Variants in RIPK2 observed in about 807,000 individuals in gnomAD.
The protein encoded by RIPK2 is receptor interacting serine/threonine kinase 2.
A neutral mutation model predicts 60.9 loss-of-function variants in RIPK2; 38 were observed. The ratio of observed to expected loss-of-function variants is 0.62; its 90% CI spans 0.48 to 0.82. The LOEUF (loss-of-function observed/expected upper bound fraction) is 0.82, where lower values mean the gene tolerates loss of function less well. Among genes scored for constraint, RIPK2 ranks in the 40% least tolerant of loss-of-function variants. RIPK2 has a pLI of 0.00. For missense variants in RIPK2, 518 were observed against 647.0 expected (o/e 0.80, Z 2.16); for synonymous variants, 225 against 223.4 (o/e 1.01, Z -0.06).
chr8:89,781,940 GTAA>G (rs1435652845), intron 7 of RIPK2, among the ~76,000 whole-genome samples: 1 of 152,138 alleles, frequency 6.6e-6, no homozygotes, highest in Non-Finnish European at 1.5e-5. Context: ...GACTTAATTA[GTAA>G]TAAGAGTTAT....
chr8:89,763,150 T>A (rs1809173262), intron 2 of RIPK2, among the ~76,000 whole-genome samples, 168 bp downstream of exon 2: 1 of 152,196 alleles, frequency 6.6e-6, no homozygotes, highest in South Asian at 2.1e-4. Flanking sequence ...CATTTTTGTG[T>A]TGATTAAAAC....
intron 1 of RIPK2, 125 bp downstream of exon 1, chr8:89,758,358 C>T (rs751224143): frequency 3.1e-6 from 3 of 972,948 alleles, no homozygotes; most frequent in Non-Finnish European, 4.4e-6. Flanking sequence ...CTCGTCACCT[C>T]TAGGGAGCCC....
At chr8:89,774,579 T>C (rs917822468) in intron 6 of RIPK2, among the ~76,000 whole-genome samples, 16 of 152,210 alleles carry the variant, frequency 1.1e-4, no homozygotes, top group African/African-American at 3.6e-4. Flanking sequence ...CACACAGTTG[T>C]ATGTGATTAG....
At chr8:89,769,749 T>C (rs1480448590) in intron 3 of RIPK2, 23 bp from the exon 4 acceptor site, 3 of 1,477,620 alleles carry the variant, frequency 2.0e-6, no homozygotes, top group African/African-American at 2.9e-5. Context: ...AATTTCTTAA[T>C]TATTTGCTCT....
chr8:89,775,156 G>A (rs1218526246), intron 6 of RIPK2, among the ~76,000 whole-genome samples: 1 of 152,144 alleles, frequency 6.6e-6, no homozygotes, highest in Non-Finnish European at 1.5e-5. Context: ...TTTTTCCTAT[G>A]GCCAGGCACA....
chr8:89,772,805 C>T lies in RIPK2; in HGVS notation c.830C>T (p.Pro277Leu). Reference protein sequence around the residue: ...SLIESGWAQNPDERPSFLKCL... With the variant: ...SLIESGWAQNLDERPSFLKCL... ...ATAGAAAGTGGATGGGCACAAAATC[C>T]AGATGAAAGACCATCTTTCTTAAGT... The change falls in exon 6 of 11, where the codon CCA becomes CTA. Residue 277 changes from proline (P) to leucine (L), a missense_variant. Around this residue, in one of 3 missense-constraint regions of RIPK2, gnomAD observed 448 missense variants for 534.7 expected, o/e 0.84. Coordinates refer to ENST00000220751, the MANE Select transcript of RIPK2 (RefSeq NM_003821.6). 1.2e-6 allele frequency: 2 copies of T among 1,606,198 alleles called. No homozygotes were observed. Among genetic ancestry groups the T allele is most frequent in the Non-Finnish European group, 1.7e-6 (2 of 1,176,374 alleles).
In RIPK2 at chr8:89,765,362, G is replaced by C. The variant is rs748015352; in HGVS notation, c.349G>C (p.Ala117Pro). Residue 117 changes from alanine (A) to proline (P), a missense_variant, in exon 3 of 11, where the codon GCT (alanine) becomes CCT (proline). Coordinates refer to ENST00000220751, the MANE Select transcript of RIPK2 (RefSeq NM_003821.6). The stretch of plus-strand genomic sequence containing the variant: ...GAAGAAAACTGAATATCCTGATGTT[G>C]CTTGGCCATTGAGATTTCGCATCCT... The part of the protein sequence containing the change: ...LHRKTEYPDV[A>P]WPLRFRILHE... The C allele has an allele frequency of 6.2e-7, 1 of 1,608,818 alleles. No homozygotes were observed. Among genetic ancestry groups the C allele is most frequent in the Middle Eastern group, 1.7e-4 (1 of 6,058 alleles).
In RIPK2 at chr8:89,757,918, C is replaced by G. The variant is rs955874907; in HGVS notation, c.-143C>G. The G allele has an allele frequency of 4.2e-5, 59 of 1,391,710 alleles. 1 individual carries two copies. In the East Asian group the frequency reaches 1.6e-3, roughly 39 times the overall value. The allele number at this position is 1,391,710 out of a possible 1,614,324, so 86.2% of individuals were successfully genotyped here. A position where few individuals can be genotyped will look rare whatever the true frequency, so the allele number is the denominator to read the frequency against. On this transcript the variant is annotated 5_prime_UTR_variant, in exon 1 of 11. Transcript: ENST00000220751. Reference sequence around the variant, plus strand: ...GGGCCATCCGGGGAATGGGCGCCCTCGTGACCTAGTGTTGCGGGGCAAAAA... The same window carrying G: ...GGGCCATCCGGGGAATGGGCGCCCTGGTGACCTAGTGTTGCGGGGCAAAAA...
At chr8:89,774,464 C>A (rs1377331200) in intron 6 of RIPK2, among the ~76,000 whole-genome samples, 3 of 152,094 alleles carry the variant, frequency 2.0e-5, no homozygotes, top group Non-Finnish European at 4.4e-5. Context: ...ATGATGCTGC[C>A]ACTTTGGAAA....
chr8:89,781,913 C>T (rs541496626), intron 7 of RIPK2, among the ~76,000 whole-genome samples: 1 of 152,100 alleles, frequency 6.6e-6, no homozygotes, highest in Non-Finnish European at 1.5e-5. Context: ...CACTTTGGGC[C>T]ATTAGTAGTA....
intron 7 of RIPK2, 62 bp downstream of exon 7, chr8:89,780,222 G>T: frequency 1.2e-6 from 1 of 844,290 alleles, no homozygotes; most frequent in Non-Finnish European, 1.9e-6. Flanking sequence ...TATTCATGGA[G>T]ATTTTTAGTT....
At chr8:89,759,336 C>CTG in intron 1 of RIPK2, 1 of 456,234 alleles carries the variant, frequency 2.2e-6, no homozygotes, top group South Asian at 1.5e-5. Context: ...TTAACTAGGC[C>CTG]CAGCATTCAG....
chr8:89,780,515 TAA>T (rs34552518), intron 7 of RIPK2: 357 of 143,008 alleles, frequency 2.5e-3, no homozygotes, highest in Middle Eastern at 3.6e-3. Flanking sequence ...ATTTAAAACG[TAA>T]AAAAAAAAAA....
chr8:89,781,581 A>T (rs1029219232), intron 7 of RIPK2, among the ~76,000 whole-genome samples: 19 of 150,870 alleles, frequency 1.3e-4, no homozygotes, highest in African/African-American at 4.0e-4. Context: ...TCTTTTTTTT[A>T]AAAAAAATCT....
At chr8:89,770,558 C>G (rs778516190) in intron 4 of RIPK2, among the ~76,000 whole-genome samples, 1 of 151,750 alleles carries the variant, frequency 6.6e-6, no homozygotes, top group Non-Finnish European at 1.5e-5. Flanking sequence ...GGACATTCAC[C>G]TCATGTATAA....
rs374436705 is a variant in RIPK2 at position 89,783,724 on chromosome 8, G to A, written c.940-326G>A. On this transcript the variant is annotated intron_variant, in intron 7 of 10. Transcript: ENST00000220751. ...TTCCCAAAAATTTATTAAGTACCTAGTTTATACCAGATATTTCATATTTAT... is the reference window on the plus strand; with the variant it reads ...TTCCCAAAAATTTATTAAGTACCTAATTTATACCAGATATTTCATATTTAT... Among the ~76,000 whole-genome samples the A allele has an allele frequency of 1.1e-4, 17 of 152,228 alleles. No homozygotes were observed. In the East Asian group the frequency reaches 3.3e-3, roughly 29 times the overall value.
At chr8:89,767,293 AT>A (rs1378141642) in intron 3 of RIPK2, among the ~76,000 whole-genome samples, 3 of 151,748 alleles carry the variant, frequency 2.0e-5, no homozygotes, top group Admixed American at 6.6e-5. Context: ...AACTCACCAT[AT>A]TTTTATGTAT....
rs1364784023 is a variant in RIPK2, at chr8:89,790,975, T to G, written c.*559T>G. ...AATATAAAGAAAAAAATAAATATAT[T>G]AATACCGGCTTCCTGTCCCCATTTT... On this transcript the variant is annotated 3_prime_UTR_variant, in exon 11 of 11. Transcript: ENST00000220751. 6.6e-6 allele frequency: 1 copy of G among 152,168 alleles called. No homozygotes were observed. Among genetic ancestry groups the G allele is most frequent in the African/African-American group, 2.4e-5 (1 of 41,444 alleles). The allele number at this position is 152,168 out of a possible 1,614,324, so 9.4% of individuals were successfully genotyped here. A position where few individuals can be genotyped will look rare whatever the true frequency, so the allele number is the denominator to read the frequency against.
At chr8:89,764,255 T>A (rs1224991125) in intron 2 of RIPK2, among the ~76,000 whole-genome samples, 1 of 152,170 alleles carries the variant, frequency 6.6e-6, no homozygotes. Flanking sequence ...ACGTCAGCTT[T>A]TTGTGTTTCT....
Sources: allele counts gnomAD v4.1 joint callset (sites outside exome capture counted in the v4.1 genomes callset), GRCh38; gene constraint gnomAD v4.1.1; regional missense constraint gnomAD v4.1.1; transcripts MANE v1.5; gene names NCBI Gene and HGNC (gene_info 2026-07-23, HGNC 2026-07-21).